The following SYNRG variants were observed in gnomAD, a reference collection of about 807,000 sequenced individuals.
The protein encoded by SYNRG is synergin gamma.
Under a neutral mutation model 130.9 loss-of-function variants are expected in SYNRG, and 37 were observed. The ratio of observed to expected loss-of-function variants is 0.28; its 90% CI spans 0.22 to 0.37. The LOEUF (loss-of-function observed/expected upper bound fraction) is 0.37. SYNRG is among the 10% of genes least tolerant of loss of function. The pLI is 1.00. For missense variants in SYNRG, 1,338 were observed against 1,588.9 expected (o/e 0.84, Z 2.68); for synonymous variants, 539 against 568.1 (o/e 0.95, Z 0.73).
In SYNRG at chr17:37,584,677, G is replaced by A. The variant is rs779412032; in HGVS notation, c.560C>T (p.Pro187Leu). 7 of 1,613,772 alleles carry A rather than the reference G, an allele frequency of 4.3e-6. No individual in the cohort carries two copies. The Admixed American group carries it at 6.7e-5, about 15-fold the overall frequency. The change falls in exon 6 of 22, where the codon CCT (proline) becomes CTT (leucine). Residue 187 changes from proline to leucine, a missense_variant. By Grantham distance (98) the Pro-to-Leu change is moderately conservative. Transcript: ENST00000612223. ...DGFSRDAKMHPTPASHPKKPG... is the reference protein window; with the variant it reads ...DGFSRDAKMHLTPASHPKKPG... ...TTTCTTGGGGTGCGATGCTGGAGTA[G>A]GGTGCATTTTTGCATCTCTGGAAAA...
At chr17:37,586,392 T>C (rs752302798) in intron 4 of SYNRG, 27 bp downstream of exon 4, 1 of 1,613,216 alleles carries the variant, frequency 6.2e-7, no homozygotes, top group Admixed American at 1.7e-5. Flanking sequence ...GTATCTTTGT[T>C]ATCCTTTAAT....
intron 6 of SYNRG, among the ~76,000 whole-genome samples, chr17:37,582,897 T>C (rs921157034): frequency 2.0e-5 from 3 of 152,136 alleles, no homozygotes; most frequent in Non-Finnish European, 4.4e-5. Context: ...ATATTCAGTA[T>C]TTTAAGATAA....
In SYNRG at chr17:37,520,164, G is replaced by A. The variant is rs2143571684; in HGVS notation, c.3813+15C>T. 5.6e-6 allele frequency: 9 copies of A among 1,614,130 alleles called. No individual in the cohort carries two copies. The highest frequency in any genetic ancestry group is 5.1e-6 in the Non-Finnish European group (6 of 1,179,976). On this transcript the variant is annotated intron_variant, in intron 21 of 21. Coordinates refer to ENST00000612223, the MANE Select transcript of SYNRG (RefSeq NM_007247.6). ...TAAAATGGAGACGCTAAGATAAGGT[G>A]TAACTGGTTCATACTTTTTTAGGAT...
chr17:37,557,243 A>T (rs2059187440), intron 13 of SYNRG: 1 of 152,232 alleles, frequency 6.6e-6, no homozygotes, highest in Non-Finnish European at 1.5e-5. Context: ...TTTATACAGA[A>T]CATTTCCTCA....
At chr17:37,607,620 C>T (rs2147218862) in intron 1 of SYNRG, among the ~76,000 whole-genome samples, 1 of 152,276 alleles carries the variant, frequency 6.6e-6, no homozygotes, top group Admixed American at 6.5e-5. Flanking sequence ...GAAACCCCGT[C>T]TCTACTAAAA....
At chr17:37,570,165 T>A (rs1325976094) in intron 10 of SYNRG, among the ~76,000 whole-genome samples, 2 of 104,474 alleles carry the variant, frequency 1.9e-5, no homozygotes, top group African/African-American at 9.2e-5. Context: ...TTTTTTTTTT[T>A]AAACTCAGTC....
intron 6 of SYNRG, chr17:37,578,986 C>A: frequency 1.8e-6 from 1 of 543,000 alleles, no homozygotes; most frequent in Non-Finnish European, 2.4e-6. Context: ...AAAATCTAGA[C>A]ACTTGTTTTG....
intron 19 of SYNRG, among the ~76,000 whole-genome samples, chr17:37,533,771 C>T (rs1321878098): frequency 4.0e-5 from 6 of 150,546 alleles, no homozygotes; most frequent in Non-Finnish European, 7.4e-5. Flanking sequence ...ATTTTTAGTA[C>T]AGACGGGGTT....
chr17:37,569,670 C>T (rs1053082620), intron 10 of SYNRG, among the ~76,000 whole-genome samples: 3 of 121,022 alleles, frequency 2.5e-5, no homozygotes, highest in African/African-American at 9.1e-5. Flanking sequence ...AAAAAAAAAA[C>T]TAAAAAGGAA....
chr17:37,529,815 G>C (rs1341024428), intron 19 of SYNRG: 2 of 1,551,562 alleles, frequency 1.3e-6, no homozygotes, highest in Non-Finnish European at 8.7e-7. Context: ...TAAGGAGAGA[G>C]ATGCTTTGTA....
At position 37,516,945 on chromosome 17, in the gene SYNRG, C is replaced by CCT. The variant is rs2054470671; in HGVS notation, c.*1994_*1995insAG. 1 of 152,248 alleles carries CCT rather than the reference C, an allele frequency of 6.6e-6. No individual in the cohort carries two copies. Among genetic ancestry groups the CCT allele is most frequent in the Non-Finnish European group, 1.5e-5 (1 of 68,092 alleles). The allele number at this position is 152,248 out of a possible 1,614,324, so 9.4% of individuals were successfully genotyped here. A position where few individuals can be genotyped will look rare whatever the true frequency, so the allele number is the denominator to read the frequency against. On this transcript the variant is annotated 3_prime_UTR_variant, in exon 22 of 22. Transcript: ENST00000612223. ...GTTCTGTTATGAAATTTAGGCCAGG[C>CCT]GCAGTGGCTCACGCCTGTAATCCCG...
At chr17:37,597,625 T>C (rs976698863) in intron 2 of SYNRG, among the ~76,000 whole-genome samples, 2 of 152,378 alleles carry the variant, frequency 1.3e-5, no homozygotes, top group Middle Eastern at 3.4e-3. Flanking sequence ...AAAATAGCCA[T>C]CAGCATGTGC....
At chr17:37,551,361 T>G (rs1440417811) in intron 14 of SYNRG, among the ~76,000 whole-genome samples, 1 of 152,226 alleles carries the variant, frequency 6.6e-6, no homozygotes, top group Non-Finnish European at 1.5e-5. Flanking sequence ...ACTGCTCCTT[T>G]CTGACAGGAG....
intron 15 of SYNRG, chr17:37,541,175 T>C: frequency 1.0e-6 from 1 of 985,470 alleles, no homozygotes; most frequent in Non-Finnish European, 1.2e-6. Flanking sequence ...GTAAGAGTTG[T>C]GTGGCTTTTC....
At chr17:37,526,299 T>C (rs1292510328) in intron 19 of SYNRG, among the ~76,000 whole-genome samples, 3 of 152,168 alleles carry the variant, frequency 2.0e-5, no homozygotes. Context: ...CCCACCAACT[T>C]GAGATGGACA....
chr17:37,577,695 C>CT (rs34008016), intron 6 of SYNRG, 82 bp from the exon 7 acceptor site: 33,350 of 577,584 alleles, frequency 0.058, 263 homozygotes, highest in African/African-American at 0.093. Flanking sequence ...CCCCCATATT[C>CT]TTTTTTTTTT....
intron 14 of SYNRG, among the ~76,000 whole-genome samples, chr17:37,550,156 A>G (rs1370410085): frequency 6.6e-6 from 1 of 152,196 alleles, no homozygotes; most frequent in Non-Finnish European, 1.5e-5. Context: ...TGTAATGCCT[A>G]GTAGAGACAG....
intron 14 of SYNRG, among the ~76,000 whole-genome samples, chr17:37,543,172 T>A (rs2057930571): frequency 6.6e-6 from 1 of 152,202 alleles, no homozygotes; most frequent in South Asian, 2.1e-4. Flanking sequence ...GTTGTTATTT[T>A]GGTCAAATTG....
chr17:37,526,472 G>A (rs1045646124), intron 19 of SYNRG, among the ~76,000 whole-genome samples: 1 of 152,198 alleles, frequency 6.6e-6, no homozygotes, highest in African/African-American at 2.4e-5. Context: ...ACAATGTCTT[G>A]TATAATCTTT....
Sources: gnomAD v4.1 joint callset for allele counts (sites outside exome capture counted in the v4.1 genomes callset) on GRCh38, gnomAD v4.1.1 for gene constraint, MANE v1.5 for transcripts, NCBI Gene and HGNC (gene_info 2026-07-23, HGNC 2026-07-21) for gene names.